HSD17B11: variants seen among roughly 807,000 people sequenced by gnomAD.
HSD17B11 encodes hydroxysteroid 17-beta dehydrogenase 11.
Under a neutral mutation model 27.8 loss-of-function variants are expected in HSD17B11, and 22 were observed. The observed-to-expected ratio is 0.79, with a 90% confidence interval of 0.56 to 1.13. HSD17B11 has a LOEUF of 1.13. Ranked by LOEUF, HSD17B11 falls within the 50% of genes most tolerant of loss-of-function variation. The pLI, the probability that HSD17B11 is intolerant of heterozygous loss-of-function variation, is 0.00. For synonymous variants in HSD17B11, 117 were observed against 132.8 expected (o/e 0.88, Z 0.82); for missense variants, 314 against 351.1 (o/e 0.89, Z 0.84).
chr4:87,381,158 G>T (rs1313432726), intron 2 of HSD17B11, among the ~76,000 whole-genome samples: 3 of 139,288 alleles, frequency 2.2e-5, no homozygotes, highest in African/African-American at 8.2e-5. Context: ...CTGCACTCCA[G>T]CCTGGGCGAC....
intron 2 of HSD17B11, among the ~76,000 whole-genome samples, chr4:87,380,110 CA>C (rs201265561): frequency 4.3e-4 from 51 of 119,108 alleles, no homozygotes; most frequent in Non-Finnish European, 5.7e-4. Flanking sequence ...GACTCTGTCT[CA>C]AAAAAAAAAA....
In HSD17B11 at chr4:87,355,290, CCTTA is replaced by C. The variant is rs575504845; in HGVS notation, c.695+1985_695+1988del. 6.2e-4 allele frequency among the ~76,000 whole-genome samples: 95 copies of C among 152,050 alleles called. No individual in the cohort carries two copies. In the Middle Eastern group the frequency reaches 0.014, roughly 22 times the overall value. On this transcript the variant is annotated intron_variant, in intron 5 of 6. Transcript: ENST00000358290. ...CTATTTGGAAAAAACTATACTGTGACCTTACTTCTTAAATCAAAATAAATTTGGG... is the reference window on the plus strand; with the variant it reads ...CTATTTGGAAAAAACTATACTGTGACCTTCTTAAATCAAAATAAATTTGGG...
At position 87,374,756 on chromosome 4, in the gene HSD17B11, A is replaced by G. The variant is rs1487898175; in HGVS notation, c.393T>C (p.Ala131=). 6 of 1,609,660 alleles carry G rather than the reference A, an allele frequency of 3.7e-6. No individual in the cohort carries two copies. Among genetic ancestry groups the G allele is most frequent in the South Asian group, 2.2e-5 (2 of 89,874 alleles). The part of the protein sequence containing the change: ...AGVVYTSDLF[A]TQDPQIEKTF... The stretch of plus-strand genomic sequence containing the variant: ...TCTTTTCAATCTGAGGATCTTGTGT[A>G]GCAAACAAATCTGATGTATAGACTA... The change falls in exon 3 of 7, where the codon GCT becomes GCC. Residue 131 remains alanine (A), a synonymous_variant. Transcript: ENST00000358290.
intron 4 of HSD17B11, among the ~76,000 whole-genome samples, chr4:87,372,500 G>A (rs1735736527): frequency 6.6e-6 from 1 of 152,104 alleles, no homozygotes; most frequent in African/African-American, 2.4e-5. Context: ...CTCTAGCAGG[G>A]TCCTCTAGAA....
intron 5 of HSD17B11, among the ~76,000 whole-genome samples, chr4:87,347,095 T>C (rs1471107374): frequency 9.5e-5 from 13 of 137,024 alleles, no homozygotes; most frequent in African/African-American, 2.6e-4. Flanking sequence ...TTGTTTTTAG[T>C]ATTCTGGATT....
intron 4 of HSD17B11, among the ~76,000 whole-genome samples, chr4:87,368,071 A>T (rs951246476): frequency 6.6e-6 from 1 of 152,136 alleles, no homozygotes; most frequent in Non-Finnish European, 1.5e-5. Flanking sequence ...TAATCCCAGC[A>T]CTTTGGGGGG....
chr4:87,354,472 T>G (rs1735343637), intron 5 of HSD17B11, among the ~76,000 whole-genome samples: 1 of 151,500 alleles, frequency 6.6e-6, no homozygotes, highest in Non-Finnish European at 1.5e-5. Flanking sequence ...GGAGACCCTG[T>G]CTCTACAAAA....
chr4:87,379,753 A>C (rs1274344360), intron 2 of HSD17B11, among the ~76,000 whole-genome samples: 1 of 137,570 alleles, frequency 7.3e-6, no homozygotes, highest in African/African-American at 2.6e-5. Flanking sequence ...ACTATAGTAT[A>C]ATATAGTATA....
intron 5 of HSD17B11, among the ~76,000 whole-genome samples, chr4:87,354,853 T>G (rs887591182): frequency 6.6e-6 from 1 of 150,746 alleles, no homozygotes; most frequent in African/African-American, 2.4e-5. Flanking sequence ...TGACTCATGC[T>G]TATAATCTTG....
chr4:87,378,816 TAAAATATATATATAAATATATATATA>T lies in HSD17B11; in HGVS notation c.318+3413_318+3438del, dbSNP rs1253868499. ...ATGATTTTATATATATATATAAATA[TAAAATATATATATAAATATATATATA>T]TAAATATATATATAAATATATATAA... is the stretch of plus-strand genomic sequence containing the variant. On this transcript the variant is annotated intron_variant, in intron 2 of 6. Coordinates refer to ENST00000358290, the MANE Select transcript of HSD17B11 (RefSeq NM_016245.5). Among the ~76,000 whole-genome samples, 47 of 69,978 alleles carry T rather than the reference TAAAATATATATATAAATATATATATA, an allele frequency of 6.7e-4. 5 individuals are homozygous for T. Among genetic ancestry groups the T allele is most frequent in the Non-Finnish European group, 1.1e-3 (44 of 38,400 alleles). The allele number at this position is 69,978 out of a possible 152,430, so 45.9% of individuals were successfully genotyped here. A position where few individuals can be genotyped will look rare whatever the true frequency, so the allele number is the denominator to read the frequency against.
chr4:87,378,076 A>G (rs376221122), intron 2 of HSD17B11, among the ~76,000 whole-genome samples: 57 of 152,310 alleles, frequency 3.7e-4, no homozygotes, highest in African/African-American at 1.3e-3. Flanking sequence ...AAAGGAGGCC[A>G]TGGGCAAAAG....
intron 5 of HSD17B11, among the ~76,000 whole-genome samples, chr4:87,354,949 CAAAAA>C (rs11305478): frequency 1.2e-4 from 11 of 91,924 alleles, no homozygotes; most frequent in African/African-American, 4.8e-4. Context: ...TCCTGGCTCT[CAAAAA>C]AAAAAAAAAA....
intron 4 of HSD17B11, among the ~76,000 whole-genome samples, chr4:87,370,795 C>G (rs1419498975): frequency 2.0e-5 from 2 of 102,492 alleles, no homozygotes; most frequent in African/African-American, 5.1e-5. Context: ...CTCTGTCGCC[C>G]AGGCTGGAGT....
intron 4 of HSD17B11, among the ~76,000 whole-genome samples, chr4:87,368,117 A>C (rs1425906604): frequency 1.3e-5 from 2 of 152,142 alleles, no homozygotes; most frequent in African/African-American, 2.4e-5. Context: ...GGAGATCAAG[A>C]CCATCCTGGC....
At chr4:87,380,008 G>C (rs1476888462) in intron 2 of HSD17B11, among the ~76,000 whole-genome samples, 2 of 148,870 alleles carry the variant, frequency 1.3e-5, no homozygotes, top group Admixed American at 6.8e-5. Flanking sequence ...CTACTCGAGA[G>C]GCTGAGGCAG....
chr4:87,380,167 C>G (rs1017398873), intron 2 of HSD17B11, among the ~76,000 whole-genome samples: 19 of 148,472 alleles, frequency 1.3e-4, no homozygotes, highest in Non-Finnish European at 2.7e-4. Context: ...CTCAAAACAG[C>G]TACTTCAAAA....
chr4:87,374,663 C>T (rs903084274), intron 3 of HSD17B11, 36 bp downstream of exon 3: 1 of 1,578,380 alleles, frequency 6.3e-7, no homozygotes, highest in Admixed American at 2.0e-5. Context: ...TTGGGATTTT[C>T]AAAAGGAACA....
chr4:87,342,274 C>T (rs1187201086), intron 5 of HSD17B11, among the ~76,000 whole-genome samples: 2 of 151,150 alleles, frequency 1.3e-5, no homozygotes, highest in East Asian at 2.0e-4. Context: ...TCCAGCTACT[C>T]GAGAGGCTGA....
intron 6 of HSD17B11, among the ~76,000 whole-genome samples, chr4:87,338,413 A>G (rs891859796): frequency 1.4e-4 from 21 of 152,256 alleles, no homozygotes; most frequent in Non-Finnish European, 2.9e-4. Flanking sequence ...GAGGGTTTGG[A>G]AATATGACAC....
Sources: allele counts gnomAD v4.1 joint callset (sites outside exome capture counted in the v4.1 genomes callset), GRCh38; gene constraint gnomAD v4.1.1; transcripts MANE v1.5; gene names NCBI Gene and HGNC (gene_info 2026-07-23, HGNC 2026-07-21).